Variants in MTCL2 observed in about 807,000 individuals in gnomAD.
MTCL2 encodes the protein microtubule crosslinking factor 2, also known as microtubule cross-linking factor 2.
At chr20:36,852,694 C>T in the MTCL2 span, among the ~76,000 whole-genome samples, 1 of 152,068 alleles carries the variant, frequency 6.6e-6, no homozygotes, top group Non-Finnish European at 1.5e-5. Flanking sequence ...TGTCTCCCAC[C>T]CCAGAGCTCA....
the MTCL2 span, among the ~76,000 whole-genome samples, chr20:36,821,520 C>T: frequency 6.6e-6 from 1 of 152,146 alleles, no homozygotes; most frequent in Non-Finnish European, 1.5e-5. Context: ...AAGAGAGAAA[C>T]TCTGTCTCAA....
At chr20:36,823,801 C>T in the MTCL2 span, among the ~76,000 whole-genome samples, 1 of 152,168 alleles carries the variant, frequency 6.6e-6, no homozygotes, top group African/African-American at 2.4e-5. Flanking sequence ...CAGCAAGACT[C>T]TTGTCTCCCC....
chr20:36,802,610 G>A, the MTCL2 span, among the ~76,000 whole-genome samples: 2 of 152,180 alleles, frequency 1.3e-5, no homozygotes, highest in African/African-American at 4.8e-5. Context: ...TTTGGGAATA[G>A]CTTGTTTAAG....
chr20:36,846,944 A>G, the MTCL2 span, among the ~76,000 whole-genome samples: 1 of 152,206 alleles, frequency 6.6e-6, no homozygotes, highest in Admixed American at 6.5e-5. Context: ...CCAGAGGCAG[A>G]GGTTGCAGTG....
the MTCL2 span, among the ~76,000 whole-genome samples, chr20:36,856,929 T>C: frequency 1.3e-5 from 2 of 152,206 alleles, no homozygotes; most frequent in African/African-American, 4.8e-5. Context: ...GGGCAAATGC[T>C]ACATGCCTAA....
At chr20:36,862,284 C>G in the MTCL2 span, among the ~76,000 whole-genome samples, 1 of 152,204 alleles carries the variant, frequency 6.6e-6, no homozygotes, top group East Asian at 1.9e-4. Flanking sequence ...CTATCAATCC[C>G]GTCCCAAGAA....
the MTCL2 span, chr20:36,863,258 C>A: frequency 1.7e-6 from 2 of 1,195,474 alleles, no homozygotes; most frequent in African/African-American, 3.2e-5. The surrounding 1 kb of genome is among the most constrained non-coding windows in gnomAD (Gnocchi z 6.2). Flanking sequence ...CGCGGTGGCT[C>A]TTTTTCCTCT....
At chr20:36,815,789 G>T in the MTCL2 span, 3 of 1,591,296 alleles carry the variant, frequency 1.9e-6, no homozygotes, top group African/African-American at 4.0e-5. This position sits in a 1 kb window ranked among gnomAD's most constrained non-coding sequence, Gnocchi z 5.3. Context: ...CGTCCAGCTC[G>T]TGCTCCGAGC....
chr20:36,808,585 C>T, the MTCL2 span: 1 of 1,611,434 alleles, frequency 6.2e-7, no homozygotes, highest in Non-Finnish European at 8.5e-7. Context: ...ACCTGAGCTT[C>T]ATGAAGAGCA....
At chr20:36,859,768 C>T in the MTCL2 span, 21 of 1,231,644 alleles carry the variant, frequency 1.7e-5, no homozygotes, top group Non-Finnish European at 2.1e-5. Context: ...GGACCTCCTT[C>T]AACTCTGCTC....
chr20:36,816,984 G>C, the MTCL2 span, among the ~76,000 whole-genome samples: 1 of 152,034 alleles, frequency 6.6e-6, no homozygotes, highest in East Asian at 1.9e-4. Flanking sequence ...ATGAGCAAGG[G>C]GGCCGGGCGC....
chr20:36,815,055 C>G, the MTCL2 span: 1 of 1,437,332 alleles, frequency 7.0e-7, no homozygotes, highest in Non-Finnish European at 9.4e-7. This position sits in a 1 kb window ranked among gnomAD's most constrained non-coding sequence, Gnocchi z 5.3. Context: ...GGGAGAGACC[C>G]TATCTCAAGA....
At chr20:36,842,469 T>C in the MTCL2 span, among the ~76,000 whole-genome samples, 1 of 152,156 alleles carries the variant, frequency 6.6e-6, no homozygotes, top group East Asian at 1.9e-4. Context: ...TAAATAAGAT[T>C]GTATACTAAG....
At chr20:36,816,023 G>T in the MTCL2 span, 1 of 1,613,624 alleles carries the variant, frequency 6.2e-7, no homozygotes, top group Non-Finnish European at 8.5e-7. Context: ...CAGCCCGCAG[G>T]CCTCGGTTCT....
At chr20:36,790,938 A>G in the MTCL2 span, among the ~76,000 whole-genome samples, 1 of 152,162 alleles carries the variant, frequency 6.6e-6, no homozygotes, top group Non-Finnish European at 1.5e-5. Context: ...GAGTATAGAA[A>G]AGTAACGCAC....
the MTCL2 span, chr20:36,805,018 T>C: frequency 9.4e-7 from 1 of 1,064,590 alleles, no homozygotes; most frequent in Admixed American, 2.4e-5. Flanking sequence ...CTCAGGCAAG[T>C]CCCACAACCT....
the MTCL2 span, among the ~76,000 whole-genome samples, chr20:36,845,010 C>CAAAA: frequency 8.7e-5 from 11 of 127,054 alleles, no homozygotes; most frequent in African/African-American, 2.1e-4. Context: ...GATTCTGTCT[C>CAAAA]AAAAAAAAAA....
the MTCL2 span, among the ~76,000 whole-genome samples, chr20:36,797,753 A>G: frequency 6.6e-6 from 1 of 152,350 alleles, no homozygotes; most frequent in African/African-American, 2.4e-5. Context: ...GTGGATTTGG[A>G]AAATGATAAT....
the MTCL2 span, chr20:36,794,441 T>C: frequency 1.2e-6 from 2 of 1,614,032 alleles, no homozygotes; most frequent in South Asian, 1.1e-5. The surrounding 1 kb of genome is among the most constrained non-coding windows in gnomAD (Gnocchi z 5.4). Flanking sequence ...GAGCCCAGGC[T>C]TCTCCTTGGT....
Sources: allele counts gnomAD v4.1 joint callset (sites outside exome capture counted in the v4.1 genomes callset), GRCh38; gene constraint gnomAD v4.1.1; non-coding constraint Gnocchi (gnomAD v3.1); transcripts MANE v1.5; gene names NCBI Gene and HGNC (gene_info 2026-07-23, HGNC 2026-07-21).